Variants in RPS6KC1 observed in about 807,000 individuals in gnomAD.
RPS6KC1 encodes the protein inactive ribosomal protein S6 kinase delta-1.
In RPS6KC1, 54 loss-of-function variants were observed where a neutral mutation model predicts 103.8. That is an observed-to-expected ratio of 0.52 (90% confidence interval 0.42 to 0.65). RPS6KC1 has a LOEUF of 0.65. Among genes scored for constraint, RPS6KC1 ranks in the 30% least tolerant of loss-of-function variants. The probability of loss-of-function intolerance (pLI) is 0.00; values close to 1 mark genes in which losing one functional copy is unlikely to be tolerated. For synonymous variants in RPS6KC1, 439 were observed against 438.7 expected (o/e 1.00, Z -0.01); for missense variants, 1,151 against 1,253.8 (o/e 0.92, Z 1.24).
At chr1:213,163,695 G>A (rs1189641295) in intron 6 of RPS6KC1, among the ~76,000 whole-genome samples, 1 of 151,586 alleles carries the variant, frequency 6.6e-6, no homozygotes, top group Non-Finnish European at 1.5e-5. Flanking sequence ...TTTTAAATGG[G>A]CAAATGAGAA....
chr1:213,338,751 G>A, the RPS6KC1 span, among the ~76,000 whole-genome samples: 1 of 149,524 alleles, frequency 6.7e-6, no homozygotes, highest in South Asian at 2.1e-4. Flanking sequence ...GCAAGTTCTG[G>A]TCTAGAAGTC....
At chr1:213,105,949 G>A (rs2082445180) in intron 4 of RPS6KC1, among the ~76,000 whole-genome samples, 1 of 152,144 alleles carries the variant, frequency 6.6e-6, no homozygotes, top group South Asian at 2.1e-4. Context: ...AAAAAATTAG[G>A]GATTATGGAA....
At chr1:213,065,420 T>C (rs1482624448) in intron 1 of RPS6KC1, among the ~76,000 whole-genome samples, 1 of 152,258 alleles carries the variant, frequency 6.6e-6, no homozygotes. Context: ...ATTGTCAGTA[T>C]GGTTATATTC....
At chr1:213,437,477 C>G in the RPS6KC1 span, among the ~76,000 whole-genome samples, 1 of 151,844 alleles carries the variant, frequency 6.6e-6, no homozygotes, top group Non-Finnish European at 1.5e-5. Flanking sequence ...TTGTGATGTG[C>G]TTGTTTGGTT....
At chr1:213,733,516 C>T in the RPS6KC1 span, among the ~76,000 whole-genome samples, 3 of 147,170 alleles carry the variant, frequency 2.0e-5, no homozygotes, top group East Asian at 4.0e-4. Flanking sequence ...GGATTGCAGG[C>T]GTGAGCCACT....
At chr1:213,139,185 A>G (rs1291057607) in intron 6 of RPS6KC1, among the ~76,000 whole-genome samples, 1 of 151,246 alleles carries the variant, frequency 6.6e-6, no homozygotes, top group East Asian at 1.9e-4. Flanking sequence ...GTCCCTGCCC[A>G]TTTTTTAATG....
the RPS6KC1 span, among the ~76,000 whole-genome samples, chr1:213,425,100 C>T: frequency 5.3e-5 from 8 of 151,976 alleles, no homozygotes; most frequent in African/African-American, 1.2e-4. Context: ...TGAGGATGGC[C>T]GCCCGCTCAC....
At chr1:213,461,961 A>G in the RPS6KC1 span, among the ~76,000 whole-genome samples, 26 of 152,358 alleles carry the variant, frequency 1.7e-4, no homozygotes, top group African/African-American at 5.5e-4. Flanking sequence ...AGCAAAAGAA[A>G]CTATCATCAG....
chr1:213,452,562 C>G, the RPS6KC1 span, among the ~76,000 whole-genome samples: 1 of 152,196 alleles, frequency 6.6e-6, no homozygotes. Context: ...CACATTTTCT[C>G]TAGGTCCAGA....
At chr1:213,089,868 G>A (rs748415676) in intron 3 of RPS6KC1, among the ~76,000 whole-genome samples, 6 of 152,154 alleles carry the variant, frequency 3.9e-5, no homozygotes, top group South Asian at 4.1e-4. Context: ...TATGTCAGGC[G>A]CGGTCCTACG....
At chr1:213,408,666 A>G in the RPS6KC1 span, among the ~76,000 whole-genome samples, 1 of 152,200 alleles carries the variant, frequency 6.6e-6, no homozygotes, top group African/African-American at 2.4e-5. Flanking sequence ...TGGATTTTGA[A>G]CTTGTCGGAG....
the RPS6KC1 span, among the ~76,000 whole-genome samples, chr1:213,490,004 T>C: frequency 2.0e-5 from 3 of 152,092 alleles, no homozygotes; most frequent in Non-Finnish European, 4.4e-5. Context: ...ATAAGAGTTC[T>C]GGAAATGCTG....
chr1:213,222,806 T>A (rs1057089854), intron 8 of RPS6KC1, among the ~76,000 whole-genome samples: 1 of 152,152 alleles, frequency 6.6e-6, no homozygotes, highest in African/African-American at 2.4e-5. Context: ...TTATGCATGG[T>A]GTTAGGGGAG....
chr1:213,519,529 T>C, the RPS6KC1 span, among the ~76,000 whole-genome samples: 2 of 152,220 alleles, frequency 1.3e-5, no homozygotes, highest in Non-Finnish European at 2.9e-5. Context: ...GTCTGACTTA[T>C]ATTTTAGACA....
At chr1:213,567,939 T>A in the RPS6KC1 span, among the ~76,000 whole-genome samples, 1 of 152,222 alleles carries the variant, frequency 6.6e-6, no homozygotes, top group Non-Finnish European at 1.5e-5. Context: ...TTTCTGGGTA[T>A]GTCTTTGAGG....
intron 12 of RPS6KC1, among the ~76,000 whole-genome samples, chr1:213,250,384 T>TA (rs2094525716): frequency 6.6e-6 from 1 of 152,156 alleles, no homozygotes; most frequent in African/African-American, 2.4e-5. Context: ...GCTCAACAAA[T>TA]ACAGCATTTG....
chr1:213,237,627 G>A (rs541475754), intron 10 of RPS6KC1, among the ~76,000 whole-genome samples: 16 of 151,644 alleles, frequency 1.1e-4, no homozygotes, highest in South Asian at 2.1e-4. Flanking sequence ...GTGTTTTATC[G>A]TACATATGAA....
the RPS6KC1 span, among the ~76,000 whole-genome samples, chr1:213,831,004 A>T: frequency 6.6e-6 from 1 of 152,154 alleles, no homozygotes; most frequent in Non-Finnish European, 1.5e-5. Flanking sequence ...CCAGTCTCCT[A>T]TAGCCATCCT....
the RPS6KC1 span, among the ~76,000 whole-genome samples, chr1:213,336,934 G>A: frequency 6.6e-6 from 1 of 152,114 alleles, no homozygotes; most frequent in Non-Finnish European, 1.5e-5. Context: ...GACCACAGTG[G>A]TATCTTTGGC....
Sources: allele counts gnomAD v4.1 joint callset (sites outside exome capture counted in the v4.1 genomes callset), GRCh38; gene constraint gnomAD v4.1.1; transcripts MANE v1.5; gene names NCBI Gene and HGNC (gene_info 2026-07-23, HGNC 2026-07-21).